TBC1D5: variants seen among roughly 807,000 people sequenced by gnomAD.
TBC1D5 encodes TBC1 domain family member 5.
A neutral mutation model predicts 100.3 loss-of-function variants in TBC1D5; 75 were observed. That is an observed-to-expected ratio of 0.75 (90% CI 0.62 to 0.91). The LOEUF (loss-of-function observed/expected upper bound fraction) is 0.91. TBC1D5 is among the 40% of genes least tolerant of loss of function. The pLI is 0.00. For missense variants in TBC1D5, 910 were observed against 942.4 expected, an observed-to-expected ratio of 0.97 and a Z score of 0.45; for synonymous variants, 323 against 325.6, an observed-to-expected ratio of 0.99 and a Z score of 0.09.
At chr3:17,255,161 T>G (rs1388988216) in intron 16 of TBC1D5, among the ~76,000 whole-genome samples, 1 of 152,126 alleles carries the variant, frequency 6.6e-6, no homozygotes, top group Non-Finnish European at 1.5e-5. Context: ...AAGAAGAGGA[T>G]TTAGCAGACC....
intron 21 of TBC1D5, among the ~76,000 whole-genome samples, chr3:17,165,679 C>CTGAA (rs1374944874): frequency 6.6e-6 from 1 of 152,208 alleles, no homozygotes; most frequent in East Asian, 1.9e-4. Context: ...TTACAAGTGT[C>CTGAA]TGAATGCTGG....
intron 14 of TBC1D5, among the ~76,000 whole-genome samples, chr3:17,294,810 C>A (rs1345229911): frequency 6.6e-6 from 1 of 152,038 alleles, no homozygotes; most frequent in African/African-American, 2.4e-5. Context: ...TTAGAAATAC[C>A]CTTAATTTGC....
intron 1 of TBC1D5, among the ~76,000 whole-genome samples, chr3:17,693,611 C>T (rs1199704314): frequency 6.6e-6 from 1 of 152,260 alleles, no homozygotes; most frequent in Non-Finnish European, 1.5e-5. Context: ...CACTGCAGCT[C>T]AGCACACCCT....
At chr3:17,629,268 C>T (rs2063305794) in intron 1 of TBC1D5, among the ~76,000 whole-genome samples, 1 of 151,686 alleles carries the variant, frequency 6.6e-6, no homozygotes, top group Non-Finnish European at 1.5e-5. Context: ...GGTAATTTAG[C>T]CATTAGATAC....
chr3:17,568,391 A>C (rs955789665), intron 2 of TBC1D5, among the ~76,000 whole-genome samples: 2 of 151,440 alleles, frequency 1.3e-5, no homozygotes, highest in Admixed American at 6.6e-5. Context: ...GAGGTGGTGG[A>C]AACTGCTTTT....
chr3:17,724,270 G>C (rs1404285765), intron 1 of TBC1D5, among the ~76,000 whole-genome samples: 1 of 151,970 alleles, frequency 6.6e-6, no homozygotes, highest in African/African-American at 2.4e-5. Flanking sequence ...TTTTTTTAAA[G>C]TATTTGTAGA....
At chr3:17,243,559 G>C (rs2076481902) in intron 16 of TBC1D5, among the ~76,000 whole-genome samples, 3 of 151,898 alleles carry the variant, frequency 2.0e-5, no homozygotes, top group African/African-American at 4.8e-5. Flanking sequence ...TAAAAAATTT[G>C]CAATTTAAAA....
rs952115084 is a variant in TBC1D5, at chr3:17,354,516, C to CTG, written c.995+17557_995+17558dup. On this transcript the variant is annotated intron_variant, in intron 13 of 21. Coordinates refer to ENST00000253692, the Ensembl canonical transcript of TBC1D5. ...ATATTTGTGGCGTCTCCAGCAGCTG[C>CTG]TGTTAAATACCAGCTGGTCTAGCTG... 8.7e-4 allele frequency among the ~76,000 whole-genome samples: 133 copies of CTG among 152,184 alleles called. 1 individual carries two copies. The highest frequency in any genetic ancestry group is 3.1e-3 in the African/African-American group (129 of 41,542).
At chr3:17,471,239 T>C (rs2095368985) in intron 3 of TBC1D5, among the ~76,000 whole-genome samples, 1 of 152,228 alleles carries the variant, frequency 6.6e-6, no homozygotes. Flanking sequence ...TCATTCTCTC[T>C]TCTTTTGACC....
chr3:17,690,574 G>A (rs1560474416), intron 1 of TBC1D5, among the ~76,000 whole-genome samples: 2 of 152,224 alleles, frequency 1.3e-5, no homozygotes, highest in Admixed American at 6.5e-5. Context: ...AGACAAGCAA[G>A]CAAAGCTTCA....
chr3:17,238,514 G>T, intron 16 of TBC1D5, 95 bp from the exon 17 acceptor site: 1 of 1,380,688 alleles, frequency 7.2e-7, no homozygotes, highest in Non-Finnish European at 9.6e-7. Flanking sequence ...TGTCTGCTTT[G>T]AAAAAGGTCA....
intron 18 of TBC1D5, among the ~76,000 whole-genome samples, chr3:17,200,836 T>C (rs759504846): frequency 1.9e-4 from 29 of 152,236 alleles, no homozygotes; most frequent in Non-Finnish European, 3.2e-4. Flanking sequence ...AAACATTCCA[T>C]ACCAAGGTCA....
At chr3:17,505,824 G>C (rs2095839019) in intron 3 of TBC1D5, among the ~76,000 whole-genome samples, 1 of 152,006 alleles carries the variant, frequency 6.6e-6, no homozygotes, top group Non-Finnish European at 1.5e-5. Context: ...AATTTTATGT[G>C]GTAATTAATG....
chr3:17,325,494 T>C (rs1406262806), intron 13 of TBC1D5, among the ~76,000 whole-genome samples: 1 of 152,106 alleles, frequency 6.6e-6, no homozygotes, highest in Non-Finnish European at 1.5e-5. Context: ...CAGCTAAGTT[T>C]TGTATTTTTA....
intron 15 of TBC1D5, among the ~76,000 whole-genome samples, chr3:17,283,511 A>C (rs1257188074): frequency 2.6e-5 from 4 of 152,198 alleles, no homozygotes; most frequent in Non-Finnish European, 5.9e-5. Context: ...TAAAAGATCA[A>C]AGTAAAAGAA....
chr3:17,223,983 TCTGAATC>T (rs2074574165), intron 17 of TBC1D5, among the ~76,000 whole-genome samples: 1 of 152,096 alleles, frequency 6.6e-6, no homozygotes, highest in Non-Finnish European at 1.5e-5. Flanking sequence ...AATTTAAATT[TCTGAATC>T]CTGCAGAATG....
chr3:17,231,495 TAA>T (rs1414600390), intron 17 of TBC1D5, among the ~76,000 whole-genome samples: 1 of 152,070 alleles, frequency 6.6e-6, no homozygotes, highest in African/African-American at 2.4e-5. Context: ...AAAATTTCAT[TAA>T]AAAAAGACTA....
chr3:17,612,071 G>A (rs1477064801), intron 2 of TBC1D5, among the ~76,000 whole-genome samples: 2 of 152,048 alleles, frequency 1.3e-5, no homozygotes, highest in South Asian at 2.1e-4. Flanking sequence ...GAGGCCAAGC[G>A]AGTAGACTGC....
intron 17 of TBC1D5, among the ~76,000 whole-genome samples, chr3:17,236,179 T>C (rs1284201720): frequency 6.6e-6 from 1 of 152,184 alleles, no homozygotes; most frequent in Non-Finnish European, 1.5e-5. Context: ...ATATTTCTAG[T>C]CATTTGGCTT....
Sources: allele counts gnomAD v4.1 joint callset (sites outside exome capture counted in the v4.1 genomes callset), GRCh38; gene constraint gnomAD v4.1.1; transcripts MANE v1.5; gene names NCBI Gene and HGNC (gene_info 2026-07-23, HGNC 2026-07-21).